Variants in SHISA9 observed in about 807,000 individuals in gnomAD.
SHISA9 encodes the protein shisa family member 9, also known as protein shisa-9.
Under a neutral mutation model 38.0 loss-of-function variants are expected in SHISA9, and 13 were observed. The observed-to-expected ratio is 0.34, with a 90% confidence interval of 0.22 to 0.54. The LOEUF is 0.54. SHISA9 is among the 20% of genes least tolerant of loss of function. The probability of loss-of-function intolerance (pLI) is 0.91; values close to 1 mark genes in which losing one functional copy is unlikely to be tolerated. For synonymous variants in SHISA9, 275 were observed against 242.0 expected (o/e 1.14, Z -1.27); for missense variants, 538 against 575.8 (o/e 0.93, Z 0.67).
chr16:13,101,541 T>C (rs2141957604), intron 2 of SHISA9, among the ~76,000 whole-genome samples: 1 of 152,324 alleles, frequency 6.6e-6, no homozygotes, highest in East Asian at 1.9e-4. Flanking sequence ...CCAACAATCA[T>C]GTTGTGTTTG....
chr16:13,391,102 G>A, the SHISA9 span, among the ~76,000 whole-genome samples: 60,350 of 151,970 alleles, frequency 0.4, 13,306 homozygotes, highest in East Asian at 0.57. Flanking sequence ...AAGAGTGACA[G>A]TAAGAGGAAG....
chr16:13,198,122 T>C (rs1217411607), intron 2 of SHISA9, among the ~76,000 whole-genome samples: 1 of 151,820 alleles, frequency 6.6e-6, no homozygotes, highest in Non-Finnish European at 1.5e-5. Flanking sequence ...GAGGCGGAGG[T>C]CACAGTGAGC....
chr16:13,289,230 A>G, the SHISA9 span, among the ~76,000 whole-genome samples: 1 of 152,094 alleles, frequency 6.6e-6, no homozygotes, highest in African/African-American at 2.4e-5. Context: ...CTTGTCTATC[A>G]TATTCCCATG....
chr16:13,123,697 G>A (rs1210744486), intron 2 of SHISA9, among the ~76,000 whole-genome samples: 2 of 152,196 alleles, frequency 1.3e-5, no homozygotes, highest in African/African-American at 4.8e-5. Flanking sequence ...CTACCTCTAT[G>A]GGAAGCAGCC....
At chr16:13,198,272 A>C (rs1050660397) in intron 2 of SHISA9, among the ~76,000 whole-genome samples, 1 of 145,982 alleles carries the variant, frequency 6.9e-6, no homozygotes, top group Admixed American at 6.8e-5. Flanking sequence ...ATATGCATAC[A>C]TATATACTTG....
At chr16:13,363,421 G>A in the SHISA9 span, among the ~76,000 whole-genome samples, 1 of 152,230 alleles carries the variant, frequency 6.6e-6, no homozygotes, top group East Asian at 1.9e-4. Flanking sequence ...AAGCATGAAT[G>A]ATGGAAGGGA....
the SHISA9 span, among the ~76,000 whole-genome samples, chr16:13,327,043 T>C: frequency 4.6e-5 from 7 of 152,334 alleles, no homozygotes; most frequent in African/African-American, 1.7e-4. Context: ...TTGAACAGTG[T>C]GATACTAGTT....
the SHISA9 span, among the ~76,000 whole-genome samples, chr16:13,284,992 C>CT: frequency 8.9e-3 from 1,361 of 152,118 alleles, 17 homozygotes; most frequent in African/African-American, 0.03. Context: ...CATGTTTGAT[C>CT]TTTTTTTTCA....
At chr16:12,943,449 AC>A (rs2071649193) in intron 2 of SHISA9, among the ~76,000 whole-genome samples, 1 of 150,810 alleles carries the variant, frequency 6.6e-6, no homozygotes, top group East Asian at 2.0e-4. Flanking sequence ...ACCTCTACCT[AC>A]CCCTTATTCT....
the SHISA9 span, among the ~76,000 whole-genome samples, chr16:13,419,259 T>C: frequency 6.6e-6 from 1 of 152,176 alleles, no homozygotes; most frequent in Non-Finnish European, 1.5e-5. Flanking sequence ...CATTAAGTTT[T>C]ATAGGGATAA....
the SHISA9 span, among the ~76,000 whole-genome samples, chr16:13,537,927 G>A: frequency 1.3e-5 from 2 of 152,106 alleles, no homozygotes; most frequent in African/African-American, 4.8e-5. Context: ...TTATCTTTTG[G>A]ACAGAGGAGA....
chr16:13,051,130 GACAT>G (rs2073246299), intron 2 of SHISA9, among the ~76,000 whole-genome samples: 1 of 152,190 alleles, frequency 6.6e-6, no homozygotes, highest in African/African-American at 2.4e-5. Context: ...TGCTAATAAA[GACAT>G]ACCCAAGTCT....
At chr16:13,157,632 C>T (rs1412196593) in intron 2 of SHISA9, among the ~76,000 whole-genome samples, 1 of 152,190 alleles carries the variant, frequency 6.6e-6, no homozygotes, top group Non-Finnish European at 1.5e-5. Flanking sequence ...TTTTCTCAGG[C>T]AGACCTGGGC....
At chr16:13,061,516 G>T (rs1214342703) in intron 2 of SHISA9, among the ~76,000 whole-genome samples, 2 of 152,178 alleles carry the variant, frequency 1.3e-5, no homozygotes. Flanking sequence ...AAGGGAACTT[G>T]GGTATAAGGC....
At chr16:13,535,391 G>A in the SHISA9 span, among the ~76,000 whole-genome samples, 1 of 152,146 alleles carries the variant, frequency 6.6e-6, no homozygotes, top group African/African-American at 2.4e-5. Context: ...CACTCCATGT[G>A]CAAAATATAT....
intron 2 of SHISA9, among the ~76,000 whole-genome samples, chr16:13,090,697 G>A (rs768348014): frequency 6.6e-5 from 10 of 152,140 alleles, no homozygotes; most frequent in South Asian, 2.1e-4. Context: ...TATGTGCATC[G>A]TTGCACGTGA....
chr16:13,108,882 C>T (rs1320014200), intron 2 of SHISA9, among the ~76,000 whole-genome samples: 1 of 151,988 alleles, frequency 6.6e-6, no homozygotes, highest in Admixed American at 6.6e-5. Context: ...CAATGTTTCT[C>T]CTAAAGTGTA....
the SHISA9 span, among the ~76,000 whole-genome samples, chr16:13,249,970 G>C: frequency 1.3e-5 from 2 of 152,146 alleles, no homozygotes; most frequent in African/African-American, 4.8e-5. Flanking sequence ...CTAGGCTCAA[G>C]CAATGCTTCC....
At chr16:13,398,778 C>G in the SHISA9 span, among the ~76,000 whole-genome samples, 1 of 152,084 alleles carries the variant, frequency 6.6e-6, no homozygotes, top group Non-Finnish European at 1.5e-5. Flanking sequence ...TCCCAAAATG[C>G]TAGGATTACA....
Sources: allele counts gnomAD v4.1 joint callset (sites outside exome capture counted in the v4.1 genomes callset), GRCh38; gene constraint gnomAD v4.1.1; transcripts MANE v1.5; gene names NCBI Gene and HGNC (gene_info 2026-07-23, HGNC 2026-07-21).